The following DOCK8 variants were observed in gnomAD, a reference collection of about 807,000 sequenced individuals.
DOCK8 encodes dedicator of cytokinesis protein 8.
In DOCK8, 141 loss-of-function variants were observed where a neutral mutation model predicts 245.6. That is an observed-to-expected ratio of 0.57 (90% CI 0.50 to 0.66). The LOEUF (loss-of-function observed/expected upper bound fraction) is 0.66. DOCK8 is among the 30% of genes least tolerant of loss of function. The pLI, the probability that DOCK8 is intolerant of heterozygous loss-of-function variation, is 0.00. For missense variants in DOCK8, 2,965 were observed against 2,603.4 expected (o/e 1.14, Z -3.02); for synonymous variants, 1,168 against 970.2 (o/e 1.20, Z -3.79).
chr9:376,381 C>G (rs1026348156), intron 19 of DOCK8, 76 bp downstream of exon 19: 5 of 1,038,214 alleles, frequency 4.8e-6, no homozygotes, highest in African/African-American at 3.1e-5. Context: ...AATAAAAGAT[C>G]AGTGAAAATC....
chr9:229,068 C>T (rs1357436343), intron 1 of DOCK8, among the ~76,000 whole-genome samples: 5 of 152,154 alleles, frequency 3.3e-5, no homozygotes, highest in East Asian at 1.9e-4. Context: ...AACTCTCCAA[C>T]GTCACTTCCA....
In DOCK8 at chr9:338,992, T is replaced by C; in HGVS notation, c.1423-14T>C. On this transcript the variant is annotated splice_polypyrimidine_tract_variant and intron_variant, in intron 12 of 47. Transcript: ENST00000432829. Reference sequence around the variant, plus strand: ...AAGGTGCATCTACATTAACTCTGACTTTTCTCTTGGCAGGAAGGAGATCGC... The same window carrying C: ...AAGGTGCATCTACATTAACTCTGACCTTTCTCTTGGCAGGAAGGAGATCGC... The C allele has an allele frequency of 6.2e-7, 1 of 1,613,638 alleles. No homozygotes were observed. The highest frequency in any genetic ancestry group is 1.1e-5 in the South Asian group (1 of 91,080).
intron 14 of DOCK8, among the ~76,000 whole-genome samples, chr9:353,044 C>G (rs2052252661): frequency 6.6e-6 from 1 of 152,184 alleles, no homozygotes; most frequent in South Asian, 2.1e-4. Context: ...GTGTCAGACA[C>G]TATGCTTGGT....
rs543892233 is a variant in DOCK8 at position 330,062 on chromosome 9, T to A, written c.1044+1891T>A. Among the ~76,000 whole-genome samples, 14 of 152,336 alleles carry A rather than the reference T, an allele frequency of 9.2e-5. No homozygotes were observed. The East Asian group carries it at 2.5e-3, about 27-fold the overall frequency. On this transcript the variant is annotated intron_variant, in intron 9 of 47. Transcript: ENST00000432829. The stretch of plus-strand genomic sequence containing the variant: ...CATTATTTGGTAAGAGGGGCTTCTT[T>A]CTTTTTTGTTTATATTCCCAGGCCG...
chr9:450,146 A>T (rs1164499706), intron 45 of DOCK8, among the ~76,000 whole-genome samples: 2 of 152,158 alleles, frequency 1.3e-5, no homozygotes. Flanking sequence ...AATCCTAGAG[A>T]TGAGTGGACC....
At chr9:259,336 T>G (rs74469646) in intron 1 of DOCK8, among the ~76,000 whole-genome samples, 2,744 of 152,272 alleles carry the variant, frequency 0.018, 45 homozygotes, top group South Asian at 0.048. Context: ...CCCACCTCTC[T>G]AACATAACTG....
At chr9:215,181 C>T (rs1379612949) in intron 1 of DOCK8, 152 bp downstream of exon 1, 3 of 1,509,874 alleles carry the variant, frequency 2.0e-6, no homozygotes, top group African/African-American at 2.9e-5. Context: ...CCCGAGGCTG[C>T]GGCGGTGGAG....
intron 28 of DOCK8, 113 bp from the exon 29 acceptor site, chr9:414,669 T>C: frequency 7.4e-7 from 1 of 1,355,342 alleles, no homozygotes; most frequent in Non-Finnish European, 1.0e-6. Context: ...TATTGCTTGG[T>C]TTTCACAGTC....
intron 26 of DOCK8, among the ~76,000 whole-genome samples, chr9:404,640 G>T (rs190277766): frequency 4.6e-5 from 7 of 152,104 alleles, no homozygotes; most frequent in Non-Finnish European, 4.4e-5. Context: ...TTCAGCACAG[G>T]CTTCCCATGG....
intron 36 of DOCK8, among the ~76,000 whole-genome samples, chr9:430,446 C>G (rs2056667207): frequency 6.6e-6 from 1 of 151,930 alleles, no homozygotes; most frequent in Non-Finnish European, 1.5e-5. Flanking sequence ...CTTCGGGAGG[C>G]CAAGGCAGGC....
chr9:330,674 G>A (rs548941903), intron 9 of DOCK8, among the ~76,000 whole-genome samples: 33 of 152,120 alleles, frequency 2.2e-4, no homozygotes, highest in Admixed American at 6.6e-4. Context: ...AAATAGGTAT[G>A]CCAAGTGTTA....
intron 24 of DOCK8, among the ~76,000 whole-genome samples, chr9:391,977 A>C (rs1382123175): frequency 6.6e-6 from 1 of 151,858 alleles, no homozygotes; most frequent in Non-Finnish European, 1.5e-5. Context: ...ATCCCTACTA[A>C]AAATACAAAA....
At chr9:451,911 G>A (rs1335560061) in intron 45 of DOCK8, 100 bp from the exon 46 acceptor site, 1 of 289,224 alleles carries the variant, frequency 3.5e-6, no homozygotes, top group South Asian at 6.1e-5. Flanking sequence ...ATATACATAT[G>A]CATATACATA....
intron 30 of DOCK8, among the ~76,000 whole-genome samples, chr9:418,560 G>T (rs975441978): frequency 2.6e-5 from 4 of 152,204 alleles, no homozygotes; most frequent in African/African-American, 7.2e-5. Context: ...GAGCCACTGT[G>T]CCCAGCCTCT....
rs3831174 is a variant in DOCK8, at chr9:399,275, A to AC, written c.3234+21dup. On this transcript the variant is annotated intron_variant, in intron 26 of 47. Coordinates refer to ENST00000432829, the MANE Select transcript of DOCK8 (RefSeq NM_203447.4). Reference sequence around the variant, plus strand: ...TTGCAGCCAGGTGAGTGTCCCCCCCACCCCCACCCCCGAGCGAGCCACTTG... The same window carrying AC: ...TTGCAGCCAGGTGAGTGTCCCCCCCACCCCCCACCCCCGAGCGAGCCACTTG... 0.26 allele frequency: 323,882 copies of AC among 1,254,242 alleles called. 37,589 individuals are homozygous for AC. The highest frequency in any genetic ancestry group is 0.42 in the African/African-American group (24,039 of 57,624). The allele number at this position is 1,254,242 out of a possible 1,614,324, so 77.7% of individuals were successfully genotyped here.
intron 35 of DOCK8, among the ~76,000 whole-genome samples, chr9:428,700 T>C (rs2056593248): frequency 6.6e-6 from 1 of 152,176 alleles, no homozygotes; most frequent in Non-Finnish European, 1.5e-5. Flanking sequence ...GGCTCCCATA[T>C]TTGAAGTGTG....
rs117051179 is a variant in DOCK8, at chr9:399,005, T to C, written c.3121-141T>C. On this transcript the variant is annotated intron_variant, in intron 25 of 47. Transcript: ENST00000432829. ...AGTCATGGCTTTAGTTAAAGGAGAC[T>C]CAACTACTTCGCCCAGTGCCACCCA... The C allele has an allele frequency of 2.1e-4, 150 of 729,962 alleles. 1 individual carries two copies. The East Asian group carries it at 3.5e-3, about 17-fold the overall frequency. The allele number at this position is 729,962 out of a possible 1,614,324, so 45.2% of individuals were successfully genotyped here.
chr9:396,687 T>A (rs984431303), intron 24 of DOCK8, 98 bp from the exon 25 acceptor site: 1 of 1,527,094 alleles, frequency 6.5e-7, no homozygotes, highest in Non-Finnish European at 9.1e-7. Context: ...AGAAAATCCA[T>A]TGTTAGAGAG....
At chr9:339,166 G>T (rs1449320484) in intron 13 of DOCK8, 67 bp downstream of exon 13, 1 of 1,303,464 alleles carries the variant, frequency 7.7e-7, no homozygotes, top group Non-Finnish European at 1.1e-6. Flanking sequence ...CACAGTCTTT[G>T]TCTAATGCCA....
Sources: allele counts gnomAD v4.1 joint callset (sites outside exome capture counted in the v4.1 genomes callset), GRCh38; gene constraint gnomAD v4.1.1; transcripts MANE v1.5; gene names NCBI Gene and HGNC (gene_info 2026-07-23, HGNC 2026-07-21).